RGS6: variants seen among roughly 807,000 people sequenced by gnomAD.
RGS6 encodes regulator of G protein signaling 6.
A neutral mutation model predicts 78.5 loss-of-function variants in RGS6; 30 were observed. The observed-to-expected ratio is 0.38, with a 90% CI of 0.29 to 0.52. The LOEUF (loss-of-function observed/expected upper bound fraction) is 0.52, where lower values mean the gene tolerates loss of function less well. Ranked by LOEUF, RGS6 falls within the 20% of genes least tolerant of loss-of-function variation. RGS6 has a pLI of 0.85. For synonymous variants in RGS6, 206 were observed against 206.0 expected, an observed-to-expected ratio of 1.00 and a Z score of 0.00; for missense variants, 495 against 609.7, an observed-to-expected ratio of 0.81 and a Z score of 1.98.
At chr14:72,447,326 T>A (rs752405945) in intron 3 of RGS6, among the ~76,000 whole-genome samples, 1 of 152,180 alleles carries the variant, frequency 6.6e-6, no homozygotes, top group Non-Finnish European at 1.5e-5. Flanking sequence ...GAAAAGCTGC[T>A]GGGCAGAGGT....
chr14:72,315,842 G>C (rs979379709), intron 2 of RGS6, among the ~76,000 whole-genome samples: 17 of 152,208 alleles, frequency 1.1e-4, no homozygotes, highest in Admixed American at 1.0e-3. Context: ...ACACAAGTAA[G>C]TTCTTCCCAG....
chr14:72,589,753 A>G, the RGS6 span, among the ~76,000 whole-genome samples: 1 of 152,214 alleles, frequency 6.6e-6, no homozygotes, highest in Non-Finnish European at 1.5e-5. Flanking sequence ...CAAAAAAGAT[A>G]AAACTATTAA....
intron 2 of RGS6, among the ~76,000 whole-genome samples, chr14:72,071,790 AATC>A (rs1222737491): frequency 6.6e-6 from 1 of 152,240 alleles, no homozygotes; most frequent in Non-Finnish European, 1.5e-5. Flanking sequence ...ATTTGAAAAT[AATC>A]ATAATTATTT....
chr14:72,214,177 ATTTT>A (rs35022655), intron 2 of RGS6, among the ~76,000 whole-genome samples: 1 of 131,246 alleles, frequency 7.6e-6, no homozygotes. Flanking sequence ...TTATTTTCTT[ATTTT>A]TTTTTTTTTT....
chr14:72,485,291 T>C (rs1335223790), intron 12 of RGS6, among the ~76,000 whole-genome samples: 2 of 152,198 alleles, frequency 1.3e-5, no homozygotes, highest in Non-Finnish European at 2.9e-5. Flanking sequence ...GGAGGACCAT[T>C]GCTGCTGTGT....
intron 2 of RGS6, among the ~76,000 whole-genome samples, chr14:72,142,031 T>C (rs2096547241): frequency 6.6e-6 from 1 of 152,146 alleles, no homozygotes; most frequent in Non-Finnish European, 1.5e-5. Context: ...CTCCTCACTT[T>C]GGGGAGCTAC....
At chr14:72,307,055 C>A (rs1567714248) in intron 2 of RGS6, among the ~76,000 whole-genome samples, 2 of 152,104 alleles carry the variant, frequency 1.3e-5, no homozygotes, top group African/African-American at 4.8e-5. Flanking sequence ...TCACAGCCAC[C>A]CCAACCTTCA....
At chr14:72,078,730 A>T (rs930160965) in intron 2 of RGS6, among the ~76,000 whole-genome samples, 1 of 152,054 alleles carries the variant, frequency 6.6e-6, no homozygotes, top group Non-Finnish European at 1.5e-5. Context: ...GTATTTCTTT[A>T]TAGCAGTGTG....
At chr14:72,265,994 T>G (rs895715256) in intron 2 of RGS6, among the ~76,000 whole-genome samples, 1 of 151,998 alleles carries the variant, frequency 6.6e-6, no homozygotes, top group Non-Finnish European at 1.5e-5. Flanking sequence ...CTTGCTGTTC[T>G]GTTTATGTAT....
chr14:72,497,709 T>C (rs1175092810), intron 13 of RGS6, among the ~76,000 whole-genome samples: 1 of 152,164 alleles, frequency 6.6e-6, no homozygotes, highest in Admixed American at 6.5e-5. Flanking sequence ...GAACTTGTAT[T>C]TCTATGAACA....
chr14:71,957,893 GT>G (rs1702912378), intron 1 of RGS6, among the ~76,000 whole-genome samples: 1 of 152,032 alleles, frequency 6.6e-6, no homozygotes, highest in African/African-American at 2.4e-5. Context: ...AGCCTCCCGA[GT>G]AGCTGAGACT....
At chr14:72,117,773 A>G (rs1159679897) in intron 2 of RGS6, among the ~76,000 whole-genome samples, 2 of 152,098 alleles carry the variant, frequency 1.3e-5, no homozygotes, top group Non-Finnish European at 2.9e-5. Context: ...TTATGCCTTA[A>G]AAGGACCACG....
chr14:71,877,458 T>C, the RGS6 span, among the ~76,000 whole-genome samples: 1 of 152,264 alleles, frequency 6.6e-6, no homozygotes. Context: ...TTTCTTCCAG[T>C]TGATTGAATC....
chr14:72,575,362 T>C, the RGS6 span, among the ~76,000 whole-genome samples: 42,657 of 151,752 alleles, frequency 0.28, 7,960 homozygotes, highest in African/African-American at 0.54. Context: ...GGAAGACCCT[T>C]GAAGCTGGGG....
At chr14:72,050,385 G>T (rs1443620123) in intron 2 of RGS6, among the ~76,000 whole-genome samples, 2 of 152,024 alleles carry the variant, frequency 1.3e-5, no homozygotes, top group African/African-American at 4.8e-5. Context: ...AATTATATTT[G>T]CTGAACAAAA....
chr14:72,139,182 T>C (rs941538884), intron 2 of RGS6, among the ~76,000 whole-genome samples: 2 of 152,198 alleles, frequency 1.3e-5, no homozygotes, highest in African/African-American at 4.8e-5. Context: ...AAGGCTAGTT[T>C]GAGTTTAGTG....
intron 12 of RGS6, among the ~76,000 whole-genome samples, chr14:72,480,583 C>T (rs889117078): frequency 2.3e-4 from 35 of 152,140 alleles, no homozygotes; most frequent in Admixed American, 1.2e-3. Flanking sequence ...TTCATTAGAG[C>T]CACAAGGAAA....
intron 2 of RGS6, among the ~76,000 whole-genome samples, chr14:72,285,528 T>C (rs1164556004): frequency 6.6e-6 from 1 of 152,214 alleles, no homozygotes; most frequent in Non-Finnish European, 1.5e-5. Flanking sequence ...TTTTTCCTTA[T>C]AAATTACCCA....
At chr14:71,869,861 A>G in the RGS6 span, among the ~76,000 whole-genome samples, 34 of 152,176 alleles carry the variant, frequency 2.2e-4, no homozygotes, top group Non-Finnish European at 4.1e-4. Flanking sequence ...GTGTTGTTAT[A>G]AAAGGGTGAG....
Sources: gnomAD v4.1 joint callset for allele counts (sites outside exome capture counted in the v4.1 genomes callset) on GRCh38, gnomAD v4.1.1 for gene constraint, MANE v1.5 for transcripts, NCBI Gene and HGNC (gene_info 2026-07-23, HGNC 2026-07-21) for gene names.